Variants in SLC6A11 observed in about 807,000 individuals in gnomAD.
The protein encoded by SLC6A11 is solute carrier family 6 member 11.
SLC6A11 carries 25 observed loss-of-function variants against 74.8 expected under a neutral mutation model. The observed-to-expected ratio is 0.33, with a 90% CI of 0.24 to 0.47. SLC6A11 has a LOEUF of 0.47. SLC6A11 is among the 20% of genes least tolerant of loss of function. SLC6A11 has a pLI of 1.00. For missense variants in SLC6A11, 574 were observed against 837.0 expected, an observed-to-expected ratio of 0.69 and a Z score of 3.88; for synonymous variants, 330 against 330.2, an observed-to-expected ratio of 1.00 and a Z score of 0.01.
intron 4 of SLC6A11, 93 bp from the exon 5 acceptor site, chr3:10,844,121 G>T: frequency 6.7e-7 from 1 of 1,490,368 alleles, no homozygotes; most frequent in African/African-American, 1.4e-5. Flanking sequence ...GGGTGAATGA[G>T]CACATGGGCC....
chr3:10,832,653 A>C (rs1694312589), intron 4 of SLC6A11, among the ~76,000 whole-genome samples: 1 of 152,184 alleles, frequency 6.6e-6, no homozygotes, highest in Non-Finnish European at 1.5e-5. Context: ...TTCACAATTG[A>C]GTCTCCTCCT....
At chr3:10,904,713 C>T (rs1004006999) in intron 6 of SLC6A11, among the ~76,000 whole-genome samples, 1 of 152,148 alleles carries the variant, frequency 6.6e-6, no homozygotes, top group African/African-American at 2.4e-5. Context: ...TTTGACTTGA[C>T]AGCTGCAGAG....
At chr3:10,934,766 G>C (rs1695736174) in intron 12 of SLC6A11, among the ~76,000 whole-genome samples, 1 of 152,194 alleles carries the variant, frequency 6.6e-6, no homozygotes, top group African/African-American at 2.4e-5. Flanking sequence ...CCTGGGGGTG[G>C]GGAGAGGTCC....
At chr3:10,883,057 G>A (rs892088104) in intron 6 of SLC6A11, among the ~76,000 whole-genome samples, 1 of 152,152 alleles carries the variant, frequency 6.6e-6, no homozygotes, top group African/African-American at 2.4e-5. Context: ...GGGGCGGGGG[G>A]CGGGGAGGTG....
At chr3:10,927,577 GTGTCTCA>G (rs1208300015) in intron 9 of SLC6A11, among the ~76,000 whole-genome samples, 1 of 152,226 alleles carries the variant, frequency 6.6e-6, no homozygotes, top group African/African-American at 2.4e-5. Flanking sequence ...ACACACTGCA[GTGTCTCA>G]TCAGTTTCAA....
At chr3:10,867,625 C>G (rs946486289) in intron 5 of SLC6A11, among the ~76,000 whole-genome samples, 3 of 152,222 alleles carry the variant, frequency 2.0e-5, no homozygotes, top group Non-Finnish European at 4.4e-5. Flanking sequence ...ACCTCAGAAA[C>G]CATCCATCTG....
chr3:10,921,846 T>G (rs921148221), intron 8 of SLC6A11, among the ~76,000 whole-genome samples: 1 of 148,822 alleles, frequency 6.7e-6, no homozygotes, highest in Non-Finnish European at 1.5e-5. Context: ...GTGGACAAAG[T>G]AAACTTCAAG....
chr3:10,895,922 T>C (rs572727773), intron 6 of SLC6A11, among the ~76,000 whole-genome samples: 3 of 152,348 alleles, frequency 2.0e-5, no homozygotes, highest in African/African-American at 7.2e-5. Context: ...CATGTGCAGG[T>C]GATGCTCATG....
intron 6 of SLC6A11, among the ~76,000 whole-genome samples, chr3:10,885,542 G>A (rs949889195): frequency 1.3e-5 from 2 of 151,812 alleles, no homozygotes; most frequent in African/African-American, 4.8e-5. Flanking sequence ...GCATGTAGTG[G>A]GTAGAGCCCG....
intron 8 of SLC6A11, among the ~76,000 whole-genome samples, chr3:10,923,315 G>A (rs1228405528): frequency 6.6e-6 from 1 of 151,272 alleles, no homozygotes; most frequent in Non-Finnish European, 1.5e-5. Context: ...GCAAGACAAG[G>A]TGAAGCTAGA....
intron 7 of SLC6A11, among the ~76,000 whole-genome samples, chr3:10,917,226 G>A (rs931648400): frequency 6.6e-6 from 1 of 152,178 alleles, no homozygotes; most frequent in Non-Finnish European, 1.5e-5. Context: ...GGAGGGTAAA[G>A]CTAACTTTAT....
chr3:10,853,664 A>G (rs1297166122), intron 5 of SLC6A11, among the ~76,000 whole-genome samples: 1 of 152,164 alleles, frequency 6.6e-6, no homozygotes, highest in Non-Finnish European at 1.5e-5. Flanking sequence ...GGGAAGTCTC[A>G]GCTCTGCTCT....
At chr3:10,855,562 T>C (rs2106591741) in intron 5 of SLC6A11, among the ~76,000 whole-genome samples, 1 of 152,298 alleles carries the variant, frequency 6.6e-6, no homozygotes, top group South Asian at 2.1e-4. Flanking sequence ...TCTGTCAAGC[T>C]TGTGGGTCCA....
intron 4 of SLC6A11, among the ~76,000 whole-genome samples, chr3:10,834,697 G>T (rs1017614998): frequency 6.6e-6 from 1 of 152,146 alleles, no homozygotes; most frequent in Non-Finnish European, 1.5e-5. Flanking sequence ...ATGCAGGATG[G>T]GGGAGAAGCG....
At chr3:10,924,657 C>T (rs1695579108) in intron 8 of SLC6A11, among the ~76,000 whole-genome samples, 1 of 151,684 alleles carries the variant, frequency 6.6e-6, no homozygotes, top group Non-Finnish European at 1.5e-5. Flanking sequence ...AAGAAAACAA[C>T]CTAATGAAAA....
rs962927541 is a variant in SLC6A11, at chr3:10,938,755, GTCC to G, written c.*359_*361del. On this transcript the variant is annotated 3_prime_UTR_variant, in exon 14 of 14. Transcript: ENST00000254488. Reference sequence around the variant, plus strand: ...CCAGGTGGGGTGGGGAGTGATGGCTGTCCTCCTCTGTCGGCCTTTTAATGACCG... The same window carrying G: ...CCAGGTGGGGTGGGGAGTGATGGCTGTCCTCTGTCGGCCTTTTAATGACCG... The G allele has an allele frequency of 6.1e-6, 1 of 164,498 alleles. No individual in the cohort carries two copies. The highest frequency in any genetic ancestry group is 2.4e-5 in the African/African-American group (1 of 41,958). The allele number at this position is 164,498 out of a possible 1,614,324, so 10.2% of individuals were successfully genotyped here.
intron 6 of SLC6A11, among the ~76,000 whole-genome samples, chr3:10,889,507 C>G (rs140894498): frequency 6.6e-6 from 1 of 152,178 alleles, no homozygotes; most frequent in Non-Finnish European, 1.5e-5. Flanking sequence ...ATAGTGTTGA[C>G]TTTTCCAGAT....
intron 6 of SLC6A11, among the ~76,000 whole-genome samples, chr3:10,897,392 T>C (rs1182202494): frequency 6.6e-6 from 1 of 152,174 alleles, no homozygotes; most frequent in East Asian, 1.9e-4. Flanking sequence ...TATGAGTCTG[T>C]AAAATCAAAA....
intron 6 of SLC6A11, among the ~76,000 whole-genome samples, chr3:10,875,795 A>G (rs1694901238): frequency 6.6e-6 from 1 of 152,192 alleles, no homozygotes; most frequent in African/African-American, 2.4e-5. Flanking sequence ...ATAAAAACAG[A>G]ACATCTCACA....
Sources: allele counts gnomAD v4.1 joint callset (sites outside exome capture counted in the v4.1 genomes callset), GRCh38; gene constraint gnomAD v4.1.1; transcripts MANE v1.5; gene names NCBI Gene and HGNC (gene_info 2026-07-23, HGNC 2026-07-21).